The following SOAT2 variants were observed in gnomAD, a reference collection of about 807,000 sequenced individuals.
SOAT2 encodes the protein ACAT-2.
In SOAT2, 87 loss-of-function variants were observed where a neutral mutation model predicts 76.0. The ratio of observed to expected loss-of-function variants is 1.14; its 90% CI spans 0.96 to 1.37. The LOEUF (loss-of-function observed/expected upper bound fraction) is 1.37, where lower values mean the gene tolerates loss of function less well. Ranked by LOEUF, SOAT2 falls within the 40% of genes most tolerant of loss-of-function variation. SOAT2 has a pLI of 0.00. For missense variants in SOAT2, 686 were observed against 682.1 expected (o/e 1.01, Z -0.06); for synonymous variants, 285 against 275.4 (o/e 1.03, Z -0.34).
rs932502786 is a variant in SOAT2, at chr12:53,116,215, T to C, written c.778+49T>C. 6.5e-6 allele frequency: 10 copies of C among 1,530,450 alleles called. No homozygotes were observed. In the Admixed American group the frequency reaches 1.3e-4, roughly 21 times the overall value. 94.8% of individuals were successfully genotyped at this position (1,530,450 alleles called of 1,614,324 possible). A position where few individuals can be genotyped will look rare whatever the true frequency, so the allele number is the denominator to read the frequency against. ...TGTGAACTCAGTCCTCTTGGCTGAC[T>C]GAATGAAGCCAGCAGGTGCAGGATC... On this transcript the variant is annotated intron_variant, in intron 7 of 14. Coordinates refer to ENST00000301466, the MANE Select transcript of SOAT2 (RefSeq NM_003578.4).
rs1410184976 is a variant in SOAT2, at chr12:53,116,104, T to A, written c.716T>A (p.Phe239Tyr). The change falls in exon 7 of 15, where the codon TTC becomes TAC. Residue 239 changes from phenylalanine to tyrosine, a missense_variant. Physicochemically the swap from Phe to Tyr is conservative, Grantham distance 22. Transcript: ENST00000301466. ...RCVLVFEQVR[F>Y]LMKSYSFLRE... ...CCTTCCATTCTGCCACAGGTTAGGT[T>A]CCTGATGAAAAGCTACTCCTTCCTG... The A allele has an allele frequency of 6.2e-7, 1 of 1,613,980 alleles. No individual in the cohort carries two copies. The highest frequency in any genetic ancestry group is 2.2e-5 in the East Asian group (1 of 44,892).
Position 53,104,159 on chromosome 12 carries a change from G to A in SOAT2, c.91G>A (p.Glu31Lys), listed in dbSNP as rs373014006. 6.2e-7 allele frequency: 1 copy of A among 1,613,512 alleles called. No homozygotes were observed. The highest frequency in any genetic ancestry group is 8.5e-7 in the Non-Finnish European group (1 of 1,179,622). ...ERQPCGDGNT[E>K]THRAPDLVQW... is the part of the protein sequence containing the mutation. Reference sequence around the variant, plus strand: ...TTGATCCCTCCTCACAGGAAACACTGAGACGCACAGAGCCCCGGACTTGGT... The same window carrying A: ...TTGATCCCTCCTCACAGGAAACACTAAGACGCACAGAGCCCCGGACTTGGT... The change falls in exon 2 of 15, where the codon GAG becomes AAG. Residue 31 changes from glutamate (E) to lysine (K), a missense_variant. Transcript: ENST00000301466.
chr12:53,123,146 T>A lies in SOAT2; in HGVS notation c.1302T>A (p.His434Gln), dbSNP rs143922000. 1.6e-4 allele frequency: 254 copies of A among 1,606,744 alleles called. 1 individual carries two copies. The African/African-American group carries it at 2.4e-3, about 15-fold the overall frequency. Residue 434 changes from histidine (H) to glutamine (Q), a missense_variant, in exon 13 of 15, where the codon CAT (histidine) becomes CAA (glutamine). Coordinates refer to ENST00000301466, the MANE Select transcript of SOAT2 (RefSeq NM_003578.4). ...TGTTCCTGGTCTCCGCAGTGGCCCA[T>A]GAGTATATCTTCTGCTTCGTCCTGG... ...LGVFLVSAVA[H>Q]EYIFCFVLGF...
chr12:53,115,291 C>G, intron 5 of SOAT2, 99 bp from the exon 6 acceptor site: 1 of 1,384,350 alleles, frequency 7.2e-7, no homozygotes, highest in South Asian at 1.4e-5. Flanking sequence ...ACAACCTGAT[C>G]AAGATACCTC....
At chr12:53,122,883 G>T (rs1288497709) in intron 12 of SOAT2, among the ~76,000 whole-genome samples, 198 bp from the exon 13 acceptor site, 1 of 152,032 alleles carries the variant, frequency 6.6e-6, no homozygotes, top group Non-Finnish European at 1.5e-5. Context: ...CGGGCAGAGG[G>T]GCTCCTCACT....
intron 5 of SOAT2, among the ~76,000 whole-genome samples, chr12:53,106,993 G>A (rs1565625835): frequency 6.6e-6 from 1 of 152,004 alleles, no homozygotes; most frequent in Non-Finnish European, 1.5e-5. Context: ...AAAGGCCTAG[G>A]CAAAACTCTT....
rs148951831 is a variant in SOAT2 at position 53,120,837 on chromosome 12, A to T, written c.1091A>T (p.Asn364Ile). 23 of 1,613,778 alleles carry T rather than the reference A, an allele frequency of 1.4e-5. No homozygotes were observed. The African/African-American group carries it at 2.8e-4, about 20-fold the overall frequency. The change falls in exon 11 of 15, where the codon AAC (asparagine) becomes ATC (isoleucine). Residue 364 changes from asparagine (N) to isoleucine (I), a missense_variant. Transcript: ENST00000301466. ...TTTGCCTTCCTCCATTGCTGGCTCA[A>T]CGCCTTTGCCGAGATGCTACGATTT... is the stretch of plus-strand genomic sequence containing the variant. ...IFFAFLHCWLNAFAEMLRFGD... is the reference protein window; with the variant it reads ...IFFAFLHCWLIAFAEMLRFGD...
intron 14 of SOAT2, 51 bp from the exon 15 acceptor site, chr12:53,124,022 G>A (rs1938237439): frequency 6.2e-7 from 1 of 1,611,006 alleles, no homozygotes; most frequent in African/African-American, 1.3e-5. Flanking sequence ...GGATGCATGG[G>A]TTGAGTCACC....
At chr12:53,115,322 A>T in intron 5 of SOAT2, 68 bp from the exon 6 acceptor site, 1 of 1,495,100 alleles carries the variant, frequency 6.7e-7, no homozygotes, top group South Asian at 1.3e-5. Flanking sequence ...CCAGGAGCTC[A>T]GACTGAAGAG....
chr12:53,123,475 G>A (rs1210156026), intron 13 of SOAT2, among the ~76,000 whole-genome samples: 1 of 152,154 alleles, frequency 6.6e-6, no homozygotes, highest in Non-Finnish European at 1.5e-5. Context: ...CACTCATGGA[G>A]GAAGACAAAG....
intron 12 of SOAT2, 81 bp downstream of exon 12, chr12:53,121,482 T>C: frequency 8.6e-7 from 1 of 1,168,198 alleles, no homozygotes; most frequent in Non-Finnish European, 1.3e-6. Context: ...CCTGCTACAG[T>C]GTGGCAACTA....
rs1345632451 is a variant in SOAT2 at position 53,115,415 on chromosome 12, ATCT to A, written c.472_474del (p.Phe158del). ...GCTGCTGCTGGAGTTTGACCTACTG[ATCT>A]TCAGCTTCGGACAGCTGCCATTGGC... On this transcript the variant is annotated inframe_deletion, in exon 6 of 15. Transcript: ENST00000301466. The A allele has an allele frequency of 2.5e-6, 4 of 1,609,772 alleles. No homozygotes were observed. Among genetic ancestry groups the A allele is most frequent in the Admixed American group, 1.7e-5 (1 of 59,760 alleles).
At chr12:53,113,205 T>A (rs1267775310) in intron 5 of SOAT2, among the ~76,000 whole-genome samples, 1 of 152,142 alleles carries the variant, frequency 6.6e-6, no homozygotes, top group Non-Finnish European at 1.5e-5. Flanking sequence ...ACTCAAAACC[T>A]GATTGCAACC....
At chr12:53,105,823 A>G in intron 4 of SOAT2, 84 bp from the exon 5 acceptor site, 1 of 1,214,416 alleles carries the variant, frequency 8.2e-7, no homozygotes, top group Non-Finnish European at 1.2e-6. Flanking sequence ...GCTAGGCCCC[A>G]TGCCTCATGT....
chr12:53,110,331 C>T lies in SOAT2; in HGVS notation c.443+4317C>T, dbSNP rs949220277. Among the ~76,000 whole-genome samples the T allele has an allele frequency of 2.0e-5, 3 of 152,314 alleles. No individual in the cohort carries two copies. The South Asian group carries it at 6.2e-4, about 32-fold the overall frequency. ...AGACAGGAGTACAGATAAGGTCTGA[C>T]TTATTCCAGCGTCTAACTCCATGTG... is the stretch of plus-strand genomic sequence containing the variant. On this transcript the variant is annotated intron_variant, in intron 5 of 14. Coordinates refer to ENST00000301466, the MANE Select transcript of SOAT2 (RefSeq NM_003578.4).
intron 12 of SOAT2, among the ~76,000 whole-genome samples, chr12:53,122,273 C>T (rs990053297): frequency 5.7e-5 from 8 of 140,312 alleles, no homozygotes; most frequent in Non-Finnish European, 7.6e-5. Context: ...ATTCTGGTTA[C>T]ATTCATTAGC....
Position 53,117,262 on chromosome 12 carries a change from A to ATTTTTT in SOAT2, c.779-1068_779-1063dup, listed in dbSNP as rs34151150. On this transcript the variant is annotated intron_variant, in intron 7 of 14. Coordinates refer to ENST00000301466, the MANE Select transcript of SOAT2 (RefSeq NM_003578.4). ...AGGCATGAGCCACCGCGCCCGGCCAATTTTTTTTTTTTTTTTTTTTTTTTT... is the reference window on the plus strand; with the variant it reads ...AGGCATGAGCCACCGCGCCCGGCCAATTTTTTTTTTTTTTTTTTTTTTTTTTTTTTT... 2.2e-4 allele frequency among the ~76,000 whole-genome samples: 24 copies of ATTTTTT among 109,022 alleles called. 1 individual carries two copies. Among genetic ancestry groups the ATTTTTT allele is most frequent in the African/African-American group, 7.9e-4 (20 of 25,204 alleles). The allele number at this position is 109,022 out of a possible 152,430, so 71.5% of individuals were successfully genotyped here. A position where few individuals can be genotyped will look rare whatever the true frequency, so the allele number is the denominator to read the frequency against.
rs138678118 is a variant in SOAT2, at chr12:53,115,649, G to T, written c.703G>T (p.Glu235Ter). Residue 235 changes from glutamate (E) to a stop codon, truncating the protein, a stop_gained, in exon 6 of 15, where the codon GAG (glutamate) becomes TAG (stop). Coordinates refer to ENST00000301466, the MANE Select transcript of SOAT2 (RefSeq NM_003578.4). LOFTEE classifies it high-confidence loss of function. ...PPASRCVLVF[E>*]QVRFLMKSYS... ...GGCCTCCCGTTGTGTCCTGGTCTTC[G>T]AGCAGGTGAGGGCCGAGCCCTGCTG... The T allele has an allele frequency of 6.5e-7, 1 of 1,532,658 alleles. No individual in the cohort carries two copies. The highest frequency in any genetic ancestry group is 8.7e-7 in the Non-Finnish European group (1 of 1,145,208). The allele number at this position is 1,532,658 out of a possible 1,614,324, so 94.9% of individuals were successfully genotyped here.
chr12:53,122,974 C>A (rs1360956039), intron 12 of SOAT2, 107 bp from the exon 13 acceptor site: 1 of 1,276,338 alleles, frequency 7.8e-7, no homozygotes, highest in African/African-American at 1.6e-5. Context: ...GACCCCCCCA[C>A]CTCCCTGCCG....
Sources: gnomAD v4.1 joint callset for allele counts (sites outside exome capture counted in the v4.1 genomes callset) on GRCh38, gnomAD v4.1.1 for gene constraint, MANE v1.5 for transcripts, NCBI Gene and HGNC (gene_info 2026-07-23, HGNC 2026-07-21) for gene names.